ATP8A2: variants seen among roughly 807,000 people sequenced by gnomAD.
ATP8A2 encodes phospholipid-transporting ATPase IB.
A neutral mutation model predicts 165.6 loss-of-function variants in ATP8A2; 100 were observed. The observed-to-expected ratio is 0.60, with a 90% CI of 0.51 to 0.71. The LOEUF is 0.71. Among genes scored for constraint, ATP8A2 ranks in the 30% least tolerant of loss-of-function variants. The probability of loss-of-function intolerance (pLI) is 0.00; values close to 1 mark genes in which losing one functional copy is unlikely to be tolerated. For synonymous variants in ATP8A2, 543 were observed against 548.8 expected (o/e 0.99, Z 0.15); for missense variants, 1,227 against 1,479.5 (o/e 0.83, Z 2.80).
intron 25 of ATP8A2, among the ~76,000 whole-genome samples, chr13:25,739,564 T>C (rs1025808531): frequency 6.6e-6 from 1 of 152,094 alleles, no homozygotes; most frequent in African/African-American, 2.4e-5. Flanking sequence ...TCAACTTGTC[T>C]TGGAGAAGAG....
intron 24 of ATP8A2, among the ~76,000 whole-genome samples, chr13:25,590,411 T>TTTC (rs2040038824): frequency 6.6e-6 from 1 of 152,036 alleles, no homozygotes; most frequent in African/African-American, 2.4e-5. Flanking sequence ...GGTGACAGAG[T>TTTC]GAGACTCTGT....
intron 33 of ATP8A2, among the ~76,000 whole-genome samples, chr13:25,917,256 G>C (rs1488245386): frequency 2.0e-5 from 3 of 152,188 alleles, no homozygotes; most frequent in Admixed American, 6.5e-5. Flanking sequence ...CAAATGTTAA[G>C]CATAATGAGA....
At chr13:25,850,304 T>G (rs1951973218) in intron 30 of ATP8A2, among the ~76,000 whole-genome samples, 1 of 152,142 alleles carries the variant, frequency 6.6e-6, no homozygotes, top group African/African-American at 2.4e-5. Context: ...CATATGCACT[T>G]TGGATAAATT....
At position 25,968,557 on chromosome 13, in the gene ATP8A2, C is replaced by G; in HGVS notation, c.3273-18C>G. ...AGTCTCTATGCCATGTTCGTTTTGT[C>G]TTTTCCTCATAACACAGAGCCAAGC... is the stretch of plus-strand genomic sequence containing the variant. On this transcript the variant is annotated intron_variant, in intron 34 of 36. Coordinates refer to ENST00000381655, the MANE Select transcript of ATP8A2 (RefSeq NM_016529.6). The G allele has an allele frequency of 6.2e-7, 1 of 1,609,086 alleles. No homozygotes were observed. The highest frequency in any genetic ancestry group is 1.3e-5 in the African/African-American group (1 of 74,972).
At chr13:25,995,444 T>C (rs975465138) in intron 35 of ATP8A2, among the ~76,000 whole-genome samples, 1 of 151,776 alleles carries the variant, frequency 6.6e-6, no homozygotes, top group Admixed American at 6.6e-5. Flanking sequence ...TTAACTGCTA[T>C]GAATTTCCCT....
Position 25,551,357 on chromosome 13 carries a change from T to G in ATP8A2, c.911T>G (p.Leu304Arg). 6.2e-7 allele frequency: 1 copy of G among 1,614,022 alleles called. No homozygotes were observed. Among genetic ancestry groups the G allele is most frequent in the Non-Finnish European group, 8.5e-7 (1 of 1,179,950 alleles). Residue 304 changes from leucine to arginine, a missense_variant, in exon 11 of 37, where the codon CTC (leucine) becomes CGC (arginine). Transcript: ENST00000381655. ...KLMQNSTKAP[L>R]KRSNVEKVTN... ...GTGTAGAATTCAACCAAAGCGCCTCTCAAGAGATCAAATGTTGAGAAGGTG... is the reference window on the plus strand; with the variant it reads ...GTGTAGAATTCAACCAAAGCGCCTCGCAAGAGATCAAATGTTGAGAAGGTG...
intron 30 of ATP8A2, among the ~76,000 whole-genome samples, chr13:25,858,458 G>C (rs960920351): frequency 1.4e-4 from 21 of 152,232 alleles, no homozygotes; most frequent in Middle Eastern, 3.4e-3. Flanking sequence ...CCTCCGTTTA[G>C]TGCAGCCCGT....
At chr13:25,647,870 GT>G (rs1172002850) in intron 24 of ATP8A2, among the ~76,000 whole-genome samples, 1 of 151,792 alleles carries the variant, frequency 6.6e-6, no homozygotes, top group Non-Finnish European at 1.5e-5. Flanking sequence ...TGTATTTTTA[GT>G]AGAGATGGGG....
chr13:26,003,031 G>A (rs1434513731), intron 35 of ATP8A2, among the ~76,000 whole-genome samples: 1 of 151,904 alleles, frequency 6.6e-6, no homozygotes, highest in African/African-American at 2.4e-5. Flanking sequence ...CCACTCCTTT[G>A]GATTATATAC....
chr13:25,459,619 C>T (rs917542929), intron 1 of ATP8A2, among the ~76,000 whole-genome samples: 24 of 152,118 alleles, frequency 1.6e-4, no homozygotes, highest in African/African-American at 4.8e-4. Flanking sequence ...GTAGCTAGGG[C>T]GTGGTCACAA....
At chr13:25,984,235 T>TC (rs1190387638) in intron 35 of ATP8A2, among the ~76,000 whole-genome samples, 1 of 140,602 alleles carries the variant, frequency 7.1e-6, no homozygotes, top group Non-Finnish European at 1.5e-5. Flanking sequence ...AGAAACCGTC[T>TC]CAAAAAAAAA....
chr13:25,416,062 A>G (rs750198987), intron 1 of ATP8A2, among the ~76,000 whole-genome samples: 4 of 152,190 alleles, frequency 2.6e-5, no homozygotes, highest in Admixed American at 1.3e-4. Context: ...TTCCAGCCTC[A>G]AGAAGTCCTC....
chr13:25,998,820 T>C (rs567564054), intron 35 of ATP8A2, among the ~76,000 whole-genome samples: 3 of 152,202 alleles, frequency 2.0e-5, no homozygotes, highest in Non-Finnish European at 2.9e-5. Context: ...AACTGTCCCA[T>C]GTAACCTGAA....
At chr13:25,406,422 A>T (rs2033803314) in intron 1 of ATP8A2, among the ~76,000 whole-genome samples, 1 of 152,360 alleles carries the variant, frequency 6.6e-6, no homozygotes, top group South Asian at 2.1e-4. Flanking sequence ...TGGAAATCTT[A>T]GAGGCCTTCC....
At chr13:25,393,953 C>G (rs1362536231) in intron 1 of ATP8A2, among the ~76,000 whole-genome samples, 1 of 152,168 alleles carries the variant, frequency 6.6e-6, no homozygotes, top group Non-Finnish European at 1.5e-5. Context: ...TTATCCAAGA[C>G]TCAGTGTAGT....
intron 27 of ATP8A2, among the ~76,000 whole-genome samples, chr13:25,816,775 C>T (rs1310015504): frequency 6.6e-6 from 1 of 152,156 alleles, no homozygotes; most frequent in African/African-American, 2.4e-5. Flanking sequence ...ACCTTTCGCT[C>T]TACTTTCCAA....
At chr13:26,012,438 A>C in intron 35 of ATP8A2, 93 bp from the exon 36 acceptor site, 1 of 974,716 alleles carries the variant, frequency 1.0e-6, no homozygotes, top group South Asian at 1.6e-5. Context: ...TGGGGAGGTG[A>C]TCCCCCACCT....
rs114182823 is a variant in ATP8A2 at position 25,981,926 on chromosome 13, T to C, written c.3377+13247T>C. ...ATTTTAATGATTTTAAAGGTATAAT[T>C]TAAGAGTTGTACATGTGCTCACTGA... is the stretch of plus-strand genomic sequence containing the variant. On this transcript the variant is annotated intron_variant, in intron 35 of 36. Transcript: ENST00000381655. Among the ~76,000 whole-genome samples the C allele has an allele frequency of 4.7e-3, 714 of 152,330 alleles. 8 individuals are homozygous for C. Among genetic ancestry groups the C allele is most frequent in the African/African-American group, 0.016 (662 of 41,562 alleles).
chr13:25,990,211 G>A (rs1054386968), intron 35 of ATP8A2, among the ~76,000 whole-genome samples: 1 of 145,126 alleles, frequency 6.9e-6, no homozygotes, highest in Non-Finnish European at 1.5e-5. Context: ...AATAGTTTTT[G>A]AGCATCCACT....
Sources: gnomAD v4.1 joint callset for allele counts (sites outside exome capture counted in the v4.1 genomes callset) on GRCh38, gnomAD v4.1.1 for gene constraint, MANE v1.5 for transcripts, NCBI Gene and HGNC (gene_info 2026-07-23, HGNC 2026-07-21) for gene names.